TMEM253: variants seen among roughly 807,000 people sequenced by gnomAD.
TMEM253 encodes the protein transmembrane protein 253.
A neutral mutation model predicts 20.3 loss-of-function variants in TMEM253; 22 were observed. That is an observed-to-expected ratio of 1.08 (90% CI 0.78 to 1.55). The LOEUF (loss-of-function observed/expected upper bound fraction) is 1.55, where lower values mean the gene tolerates loss of function less well. Among genes scored for constraint, TMEM253 ranks in the 40% most tolerant of loss-of-function variants. The probability of loss-of-function intolerance (pLI) is 0.00; values close to 1 mark genes in which losing one functional copy is unlikely to be tolerated. For missense variants in TMEM253, 251 were observed against 266.1 expected, an observed-to-expected ratio of 0.94 and a Z score of 0.39; for synonymous variants, 92 against 102.6, an observed-to-expected ratio of 0.90 and a Z score of 0.62.
At chr14:21,101,919 T>C (rs1317781577) in exon 3 of TMEM253, 2 of 1,551,662 alleles carry the variant, frequency 1.3e-6, no homozygotes, top group Non-Finnish European at 8.7e-7. Flanking sequence ...CTCAGTCGCC[T>C]GCCTGAACTC....
Position 21,102,446 on chromosome 14 carries a change from G to T in TMEM253, c.318G>T (p.Leu106Phe), listed in dbSNP as rs1196681180. ...TATTCAACACCTTCAACTTGATCTT[G>T]GGTTTCATAGTGGTGGTGGTCGAGG... Residue 106 changes from leucine to phenylalanine, a missense_variant, in exon 5 of 7, where the codon TTG becomes TTT. Physicochemically the swap from Leu to Phe is conservative, Grantham distance 22. Transcript: ENST00000556585. The T allele has an allele frequency of 1.9e-6, 3 of 1,551,652 alleles. No homozygotes were observed. Among genetic ancestry groups the T allele is most frequent in the Admixed American group, 2.0e-5 (1 of 51,002 alleles).
At position 21,102,396 on chromosome 14, in the gene TMEM253, C is replaced by T. The variant is rs2139352176; in HGVS notation, c.277-9C>T. ...TAGGCTGGGCAGGGCTGAGCTGGCT[C>T]ACTGGCAGGTGCGGGCCATGATGAT... On this transcript the variant is annotated splice_polypyrimidine_tract_variant and intron_variant, in intron 4 of 6. Coordinates refer to ENST00000556585, the Ensembl canonical transcript of TMEM253. 6.4e-7 allele frequency: 1 copy of T among 1,551,604 alleles called. No homozygotes were observed. The highest frequency in any genetic ancestry group is 1.2e-5 in the South Asian group (1 of 84,046).
Position 21,103,119 on chromosome 14 carries a change from C to T in TMEM253, c.535-20C>T. 6.4e-7 allele frequency: 1 copy of T among 1,551,698 alleles called. No homozygotes were observed. The highest frequency in any genetic ancestry group is 8.7e-7 in the Non-Finnish European group (1 of 1,147,000). On this transcript the variant is annotated intron_variant, in intron 6 of 6. Transcript: ENST00000556585. The stretch of plus-strand genomic sequence containing the variant: ...CTTTCTCACCTCTACAATTTGCTCA[C>T]ACCTGTCTCTGGTTTTCAGGGCTTC...
exon 7 of TMEM253, chr14:21,103,402 A>G: frequency 7.5e-7 from 1 of 1,330,904 alleles, no homozygotes; most frequent in Non-Finnish European, 1.0e-6. Context: ...CTGTTAGGGG[A>G]AGATACACCT....
intron 6 of TMEM253, 87 bp downstream of exon 6, chr14:21,102,866 A>G: frequency 6.7e-7 from 1 of 1,491,474 alleles, no homozygotes; most frequent in East Asian, 2.5e-5. Flanking sequence ...TTAAGGGAAA[A>G]TAATGGGGCA....
exon 7 of TMEM253, chr14:21,103,157 G>C: frequency 3.2e-6 from 5 of 1,551,698 alleles, no homozygotes; most frequent in Non-Finnish European, 4.4e-6. Context: ...TGAGTTGGAA[G>C]AGGTTCCTGG....
chr14:21,101,178 A>C (rs1000195848), exon 1 of TMEM253: 10 of 594,118 alleles, frequency 1.7e-5, no homozygotes, highest in Non-Finnish European at 2.9e-5. Context: ...TAGCTGCTTC[A>C]GACTAGGTAG....
chr14:21,099,770 T>C (rs1015731787), upstream of TMEM253, among the ~76,000 whole-genome samples: 10 of 152,250 alleles, frequency 6.6e-5, no homozygotes, highest in Non-Finnish European at 1.2e-4. Flanking sequence ...TAACTTCCTT[T>C]TATAGATAAG....
At chr14:21,101,827 T>A in intron 2 of TMEM253, 38 bp from the exon 3 acceptor site, 1 of 1,498,586 alleles carries the variant, frequency 6.7e-7, no homozygotes, top group Middle Eastern at 1.8e-4. Flanking sequence ...AGGGAATCCC[T>A]GACAGTTCCT....
upstream of TMEM253, among the ~76,000 whole-genome samples, chr14:21,100,155 G>C (rs1889541616): frequency 1.3e-5 from 2 of 152,148 alleles, no homozygotes; most frequent in African/African-American, 4.8e-5. Context: ...TTGAGCCCAG[G>C]AGTTTGAGAC....
exon 7 of TMEM253, chr14:21,103,290 C>T (rs1361793263): frequency 4.5e-6 from 7 of 1,539,936 alleles, no homozygotes; most frequent in South Asian, 1.2e-5. Context: ...CTGCATCCCA[C>T]CCCACCAAAC....
At chr14:21,098,968 A>G (rs1889480054), upstream of TMEM253, 1 of 638,332 alleles carries the variant, frequency 1.6e-6, no homozygotes, top group South Asian at 2.0e-5. Flanking sequence ...TGTCGGCCGT[A>G]TAAGAAACAT....
chr14:21,103,373 C>T (rs1243348857), exon 7 of TMEM253: 11 of 1,439,324 alleles, frequency 7.6e-6, no homozygotes, highest in Non-Finnish European at 9.1e-6. Flanking sequence ...TCAAAGCAGG[C>T]CCTTTTTTCG....
exon 7 of TMEM253, chr14:21,103,381 T>C: frequency 7.0e-7 from 1 of 1,426,546 alleles, no homozygotes; most frequent in Non-Finnish European, 9.2e-7. Flanking sequence ...GGCCCTTTTT[T>C]CGTTCCTTCC....
chr14:21,102,450 T>G, exon 5 of TMEM253: 2 of 1,551,656 alleles, frequency 1.3e-6, no homozygotes, highest in Non-Finnish European at 1.7e-6. Flanking sequence ...GATCTTGGGT[T>G]TCATAGTGGT....
chr14:21,100,893 G>C (rs1158441045), upstream of TMEM253, among the ~76,000 whole-genome samples: 1 of 152,152 alleles, frequency 6.6e-6, no homozygotes, highest in Non-Finnish European at 1.5e-5. Flanking sequence ...ATGGGGATGA[G>C]GTAAGTGAAA....
exon 6 of TMEM253, chr14:21,102,663 G>A: frequency 6.4e-7 from 1 of 1,551,522 alleles, no homozygotes; most frequent in Non-Finnish European, 8.7e-7. Flanking sequence ...GGAACTCAGT[G>A]CTGAGGCCTT....
upstream of TMEM253, among the ~76,000 whole-genome samples, chr14:21,099,813 A>G (rs977395639): frequency 6.6e-6 from 1 of 152,190 alleles, no homozygotes; most frequent in African/African-American, 2.4e-5. Context: ...TGCCAAGGGC[A>G]CCTAGGTAGA....
chr14:21,103,646 T>C (rs1033794502), exon 7 of TMEM253: 1 of 177,818 alleles, frequency 5.6e-6, no homozygotes, highest in African/African-American at 2.4e-5. Context: ...TCCTTTCTAC[T>C]GTAGCGGAGA....
Sources: gnomAD v4.1 joint callset for allele counts (sites outside exome capture counted in the v4.1 genomes callset) on GRCh38, gnomAD v4.1.1 for gene constraint, MANE v1.5 for transcripts, NCBI Gene and HGNC (gene_info 2026-07-23, HGNC 2026-07-21) for gene names.